SIGLEC12: variants seen among roughly 807,000 people sequenced by gnomAD.
SIGLEC12 encodes sialic acid binding Ig like lectin 12.
Under a neutral mutation model 54.1 loss-of-function variants are expected in SIGLEC12, and 43 were observed. That is an observed-to-expected ratio of 0.80 (90% CI 0.62 to 1.03). SIGLEC12 has a LOEUF of 1.03. Among genes scored for constraint, SIGLEC12 ranks in the 50% least tolerant of loss-of-function variants. The pLI, the probability that SIGLEC12 is intolerant of heterozygous loss-of-function variation, is 0.00. For synonymous variants in SIGLEC12, 357 were observed against 307.6 expected (o/e 1.16, Z -1.68); for missense variants, 802 against 735.2 (o/e 1.09, Z -1.05).
Position 51,498,034 on chromosome 19 carries a change from C to G in SIGLEC12, c.1389G>C (p.Leu463=). The change falls in exon 5 of 8, where the codon CTG becomes CTC. Residue 463 remains leucine, a synonymous_variant. Transcript: ENST00000291707. ...GSQHISLSLS[L]QNEYTGKMRP... The stretch of plus-strand genomic sequence containing the variant: ...CCTACCCACCTGTGTACTCGTTTTG[C>G]AGGGAGAGGCTCAGGGAAATGTGCT... The G allele has an allele frequency of 3.7e-6, 6 of 1,614,198 alleles. No homozygotes were observed. The highest frequency in any genetic ancestry group is 5.1e-6 in the Non-Finnish European group (6 of 1,180,026).
Position 51,500,010 on chromosome 19 carries a change from T to C in SIGLEC12, c.718A>G (p.Lys240Glu), listed in dbSNP as rs1204896044. 1.2e-6 allele frequency: 2 copies of C among 1,614,178 alleles called. No individual in the cohort carries two copies. Among genetic ancestry groups the C allele is most frequent in the South Asian group, 1.1e-5 (1 of 91,084 alleles). The part of the protein sequence containing the change: ...NCSLSIRDAR[K>E]GDSGKYYFQV... ...AAGTAGTACTTCCCTGAATCCCCCT[T>C]CCTGGCATCTCTGATGCTCAGGGAG... Residue 240 changes from lysine to glutamate, a missense_variant, in exon 2 of 8, where the codon AAG becomes GAG. By Grantham distance (56) the Lys-to-Glu change is moderately conservative. Coordinates refer to ENST00000291707, the MANE Select transcript of SIGLEC12 (RefSeq NM_053003.4).
In SIGLEC12 at chr19:51,498,012, A is replaced by G. The variant is rs1990285666; in HGVS notation, c.1405+6T>C. 6.2e-7 allele frequency: 1 copy of G among 1,613,948 alleles called. No individual in the cohort carries two copies. ...GTTCTCCTCCTCCAGACCCTCCCCT[A>G]CCCACCTGTGTACTCGTTTTGCAGG... On this transcript the variant is annotated splice_donor_region_variant and intron_variant, in intron 5 of 7. Transcript: ENST00000291707.
chr19:51,497,231 C>T (rs955913346), intron 6 of SIGLEC12, 118 bp downstream of exon 6: 2 of 986,756 alleles, frequency 2.0e-6, no homozygotes, highest in Non-Finnish European at 3.1e-6. Flanking sequence ...CCCATGACCT[C>T]ATTCTGGCCC....
In SIGLEC12 at chr19:51,501,708, G is replaced by GGCAGCAGTAGCA. The variant is rs1445110239; in HGVS notation, c.14_25dup (p.Leu5_Leu8dup). On this transcript the variant is annotated inframe_insertion, in exon 1 of 8. Transcript: ENST00000291707. ...CCCCACTCTCCCACAGAGCAGGGGT[G>GGCAGCAGTAGCA]GCAGCAGTAGCAGCAGCAGTAGCAT... The GGCAGCAGTAGCA allele has an allele frequency of 5.0e-6, 8 of 1,610,782 alleles. No individual in the cohort carries two copies. The highest frequency in any genetic ancestry group is 1.7e-5 in the Admixed American group (1 of 59,866).
rs1568529026 is a variant in SIGLEC12 at position 51,495,405 on chromosome 19, GTGGGTGGGTGGATGGATGGA to G, written c.1599+1455_1599+1474del. On this transcript the variant is annotated intron_variant, in intron 7 of 7. Transcript: ENST00000291707. ...GATGGATGGATGGATGGATGGGTGG[GTGGGTGGGTGGATGGATGGA>G]TGGATGGATGGATGGATGGACTGAC... 6.7e-5 allele frequency among the ~76,000 whole-genome samples: 6 copies of G among 89,318 alleles called. No individual in the cohort carries two copies. In the East Asian group the frequency reaches 2.4e-3, roughly 35 times the overall value. The allele number at this position is 89,318 out of a possible 152,430, so 58.6% of individuals were successfully genotyped here.
Sources: allele counts gnomAD v4.1 joint callset (sites outside exome capture counted in the v4.1 genomes callset), GRCh38; gene constraint gnomAD v4.1.1; transcripts MANE v1.5; gene names NCBI Gene and HGNC (gene_info 2026-07-23, HGNC 2026-07-21).